PACRG: variants seen among roughly 807,000 people sequenced by gnomAD.
PACRG encodes the protein parkin coregulated.
In PACRG, 29 loss-of-function variants were observed where a neutral mutation model predicts 29.7. That is an observed-to-expected ratio of 0.98 (90% confidence interval 0.73 to 1.33). PACRG has a LOEUF of 1.33. Among genes scored for constraint, PACRG ranks in the 40% most tolerant of loss-of-function variants. The pLI is 0.00. For missense variants in PACRG, 279 were observed against 316.2 expected (o/e 0.88, Z 0.89); for synonymous variants, 116 against 118.7 (o/e 0.98, Z 0.15).
intron 2 of PACRG, among the ~76,000 whole-genome samples, chr6:162,904,958 T>C (rs532184915): frequency 6.6e-6 from 1 of 152,074 alleles, no homozygotes; most frequent in South Asian, 2.1e-4. Context: ...AGTGATCTAG[T>C]CCAAGGGAAG....
At chr6:162,985,708 C>A (rs1226147413) in intron 2 of PACRG, among the ~76,000 whole-genome samples, 16 of 151,994 alleles carry the variant, frequency 1.1e-4, no homozygotes, top group African/African-American at 3.9e-4. Context: ...CTAGCCAGAG[C>A]AATCAGACAA....
intron 2 of PACRG, among the ~76,000 whole-genome samples, chr6:162,947,619 T>TAATCATATATATATATAATC (rs1554313379): frequency 4.2e-5 from 2 of 47,302 alleles, no homozygotes; most frequent in Non-Finnish European, 8.0e-5. Flanking sequence ...ATCATATATA[T>TAATCATATATATATATAATC]ATATATATAT....
intron 4 of PACRG, among the ~76,000 whole-genome samples, chr6:163,137,867 G>T (rs953735736): frequency 6.6e-6 from 1 of 152,266 alleles, no homozygotes; most frequent in African/African-American, 2.4e-5. Context: ...GCTTGGAGCA[G>T]GCCCTGAGTG....
At chr6:163,032,505 A>G (rs1300313973) in intron 2 of PACRG, among the ~76,000 whole-genome samples, 1 of 152,248 alleles carries the variant, frequency 6.6e-6, no homozygotes, top group Non-Finnish European at 1.5e-5. Context: ...CCACAGTCAA[A>G]AACACGATTA....
intron 2 of PACRG, chr6:162,997,286 A>G: frequency 3.1e-6 from 1 of 318,738 alleles, no homozygotes; most frequent in South Asian, 2.5e-5. Context: ...CTATAATTGG[A>G]TTGTCGGAAT....
chr6:162,743,120 G>C (rs749674139), intron 1 of PACRG, among the ~76,000 whole-genome samples: 7 of 152,148 alleles, frequency 4.6e-5, no homozygotes, highest in Non-Finnish European at 8.8e-5. Flanking sequence ...CTGATGATTA[G>C]TGGTACTGAG....
At chr6:162,834,615 A>G (rs1030578631) in intron 2 of PACRG, among the ~76,000 whole-genome samples, 2 of 151,664 alleles carry the variant, frequency 1.3e-5, no homozygotes, top group East Asian at 1.9e-4. Flanking sequence ...AAAAGATTTG[A>G]TAATTGCAAA....
chr6:162,980,855 C>T (rs1453010777), intron 2 of PACRG, among the ~76,000 whole-genome samples: 3 of 152,074 alleles, frequency 2.0e-5, no homozygotes, highest in East Asian at 1.9e-4. Flanking sequence ...TAAGTGTCAT[C>T]GTAACAGGAA....
intron 3 of PACRG, among the ~76,000 whole-genome samples, chr6:163,084,851 C>T (rs1229597359): frequency 2.2e-5 from 3 of 138,694 alleles, no homozygotes; most frequent in African/African-American, 5.5e-5. Flanking sequence ...CATATGTGTG[C>T]ATATATATAA....
At chr6:163,155,761 T>C (rs1028323084) in intron 4 of PACRG, among the ~76,000 whole-genome samples, 3 of 152,252 alleles carry the variant, frequency 2.0e-5, no homozygotes, top group Admixed American at 6.5e-5. Context: ...GCTGAGTCTC[T>C]ATCCTGTCCC....
chr6:163,107,164 G>C (rs1296555667), intron 4 of PACRG, among the ~76,000 whole-genome samples: 1 of 152,022 alleles, frequency 6.6e-6, no homozygotes, highest in Non-Finnish European at 1.5e-5. Flanking sequence ...CATTTTAGTA[G>C]GTAGAGAGAT....
intron 2 of PACRG, among the ~76,000 whole-genome samples, chr6:163,021,411 C>G (rs1047198136): frequency 2.0e-5 from 3 of 152,178 alleles, no homozygotes; most frequent in Middle Eastern, 3.2e-3. Context: ...CCATTTCCTT[C>G]TGTTTCCTAA....
At chr6:162,842,413 T>G (rs1789872345) in intron 2 of PACRG, among the ~76,000 whole-genome samples, 2 of 151,586 alleles carry the variant, frequency 1.3e-5, no homozygotes, top group South Asian at 2.1e-4. Context: ...AGACTAGGAT[T>G]GCAGCCCCTG....
At chr6:163,255,377 T>C (rs181999547) in intron 4 of PACRG, among the ~76,000 whole-genome samples, 101 of 152,302 alleles carry the variant, frequency 6.6e-4, no homozygotes, top group African/African-American at 2.3e-3. Context: ...GTACCTTCAA[T>C]GTCCAGGAGG....
intron 3 of PACRG, among the ~76,000 whole-genome samples, chr6:163,065,311 A>T (rs1439631571): frequency 6.6e-6 from 1 of 152,184 alleles, no homozygotes; most frequent in East Asian, 1.9e-4. Context: ...CTGAGAAAAG[A>T]GCAGCCCTCT....
intron 4 of PACRG, among the ~76,000 whole-genome samples, chr6:163,134,058 G>A (rs1156605140): frequency 2.0e-5 from 3 of 152,028 alleles, no homozygotes; most frequent in South Asian, 4.1e-4. Flanking sequence ...CTTGAGACTC[G>A]CACATTCTAC....
chr6:162,951,953 T>C (rs1799683726), intron 2 of PACRG, among the ~76,000 whole-genome samples: 1 of 152,198 alleles, frequency 6.6e-6, no homozygotes, highest in South Asian at 2.1e-4. Flanking sequence ...AATTCCCTTC[T>C]GCTTTCCAGG....
At chr6:162,856,202 TA>T (rs1791379296) in intron 2 of PACRG, among the ~76,000 whole-genome samples, 1 of 151,964 alleles carries the variant, frequency 6.6e-6, no homozygotes, top group Non-Finnish European at 1.5e-5. Context: ...GGGACTACAG[TA>T]GTGTGCCACC....
intron 2 of PACRG, among the ~76,000 whole-genome samples, chr6:162,947,140 A>G (rs1241968001): frequency 1.3e-5 from 2 of 151,346 alleles, no homozygotes; most frequent in Non-Finnish European, 2.9e-5. Flanking sequence ...AAGAGAAAGA[A>G]ATAAAAGACA....
Sources: allele counts gnomAD v4.1 joint callset (sites outside exome capture counted in the v4.1 genomes callset), GRCh38; gene constraint gnomAD v4.1.1; transcripts MANE v1.5; gene names NCBI Gene and HGNC (gene_info 2026-07-23, HGNC 2026-07-21).